EPB41L5: variants seen among roughly 807,000 people sequenced by gnomAD.
EPB41L5 encodes the protein band 4.1-like protein 5.
Under a neutral mutation model 106.6 loss-of-function variants are expected in EPB41L5, and 55 were observed. The observed-to-expected ratio is 0.52, with a 90% CI of 0.42 to 0.65. The LOEUF (loss-of-function observed/expected upper bound fraction) is 0.65. Ranked by LOEUF, EPB41L5 falls within the 30% of genes least tolerant of loss-of-function variation. The pLI is 0.00. For missense variants in EPB41L5, 871 were observed against 882.1 expected (o/e 0.99, Z 0.16); for synonymous variants, 297 against 306.7 (o/e 0.97, Z 0.33).
At position 120,039,258 on chromosome 2, in the gene EPB41L5, G is replaced by C. The variant is rs1425916292; in HGVS notation, c.181-2748G>C. On this transcript the variant is annotated intron_variant, in intron 2 of 24. Transcript: ENST00000263713. ...AGAGACAGAAAGTATTAATGGGAGA[G>C]AAGTTACTAGGGGTAATGGTGAGGG... Among the ~76,000 whole-genome samples, 4 of 152,056 alleles carry C rather than the reference G, an allele frequency of 2.6e-5. No homozygotes were observed. The East Asian group carries it at 7.7e-4, about 29-fold the overall frequency.
At chr2:120,016,242 C>T (rs1276543463) in intron 1 of EPB41L5, among the ~76,000 whole-genome samples, 2 of 152,106 alleles carry the variant, frequency 1.3e-5, no homozygotes, top group Non-Finnish European at 2.9e-5. Flanking sequence ...CCAGCCTGGC[C>T]AACATGGTGA....
chr2:120,106,410 A>T (rs185840223), intron 16 of EPB41L5: 1 of 985,248 alleles, frequency 1.0e-6, no homozygotes, highest in East Asian at 1.1e-4. Context: ...TTGTTTCCAG[A>T]GCTCTCAGGT....
At chr2:120,071,447 C>T (rs1681859804) in intron 3 of EPB41L5, among the ~76,000 whole-genome samples, 2 of 151,990 alleles carry the variant, frequency 1.3e-5, no homozygotes, top group African/African-American at 4.8e-5. Flanking sequence ...ATCAAGCTAC[C>T]TGAAAAAGAG....
chr2:120,096,661 G>A (rs927059326), intron 14 of EPB41L5, among the ~76,000 whole-genome samples: 17 of 152,028 alleles, frequency 1.1e-4, no homozygotes, highest in Non-Finnish European at 5.9e-5. Flanking sequence ...GTGGTGGTGC[G>A]CGCCTGTAAT....
chr2:120,130,587 T>C (rs1410266525), intron 17 of EPB41L5, among the ~76,000 whole-genome samples: 1 of 152,146 alleles, frequency 6.6e-6, no homozygotes, highest in African/African-American at 2.4e-5. Context: ...ATTAAGTAAA[T>C]GGACAGGAAA....
chr2:120,064,597 GTTCGATAGGATGCTAAGAAATGTGGC>G (rs1462180319), intron 3 of EPB41L5, among the ~76,000 whole-genome samples: 1 of 152,134 alleles, frequency 6.6e-6, no homozygotes, highest in East Asian at 1.9e-4. Flanking sequence ...TCCATGCCTA[GTTCGATAGGATGCTAAGAAATGTGGC>G]TTTCTACATC....
chr2:120,121,284 A>G (rs968088893), intron 16 of EPB41L5, among the ~76,000 whole-genome samples: 4 of 152,142 alleles, frequency 2.6e-5, no homozygotes, highest in Non-Finnish European at 5.9e-5. Flanking sequence ...TACTTGTGCC[A>G]TGTTGGTTTG....
intron 1 of EPB41L5, among the ~76,000 whole-genome samples, chr2:120,018,202 C>T (rs916483256): frequency 1.6e-4 from 24 of 151,924 alleles, no homozygotes; most frequent in African/African-American, 5.6e-4. Context: ...CTCCTGACCT[C>T]GTGATCCACC....
chr2:120,090,779 T>C lies in EPB41L5; in HGVS notation c.1043+263T>C, dbSNP rs1056832509. On this transcript the variant is annotated intron_variant, in intron 12 of 24. Coordinates refer to ENST00000263713, the MANE Select transcript of EPB41L5 (RefSeq NM_020909.4). ...TTTATATATTAACCCACTCCCAGTT[T>C]ATCTATTTAACAAGAGTTTTATGGA... 2.6e-5 allele frequency among the ~76,000 whole-genome samples: 4 copies of C among 152,194 alleles called. No homozygotes were observed. In the East Asian group the frequency reaches 7.7e-4, roughly 29 times the overall value.
intron 16 of EPB41L5, among the ~76,000 whole-genome samples, chr2:120,123,797 A>G (rs1157927214): frequency 6.6e-6 from 1 of 151,710 alleles, no homozygotes; most frequent in East Asian, 1.9e-4. Context: ...AGCTGGGACT[A>G]CAGGCGTGTG....
intron 18 of EPB41L5, among the ~76,000 whole-genome samples, chr2:120,136,485 C>T (rs1439595933): frequency 7.0e-6 from 1 of 142,312 alleles, no homozygotes; most frequent in African/African-American, 2.6e-5. Flanking sequence ...AAAAAAAAAG[C>T]CCCCAATGAT....
At chr2:120,108,904 G>A (rs1223069876) in intron 16 of EPB41L5, among the ~76,000 whole-genome samples, 1 of 152,180 alleles carries the variant, frequency 6.6e-6, no homozygotes, top group Non-Finnish European at 1.5e-5. Flanking sequence ...TCACAATCAT[G>A]TTGGAATAAT....
intron 18 of EPB41L5, among the ~76,000 whole-genome samples, chr2:120,140,575 T>C (rs1686129547): frequency 6.6e-6 from 1 of 152,068 alleles, no homozygotes; most frequent in African/African-American, 2.4e-5. Context: ...AAATTTAAAA[T>C]TCAAAATGAT....
intron 21 of EPB41L5, among the ~76,000 whole-genome samples, chr2:120,163,194 G>T (rs866176004): frequency 2.1e-4 from 32 of 151,320 alleles, no homozygotes; most frequent in African/African-American, 7.5e-4. Context: ...AATTCAGGCT[G>T]CAGTGAGCTA....
intron 22 of EPB41L5, among the ~76,000 whole-genome samples, chr2:120,165,884 C>G (rs927820847): frequency 7.1e-6 from 1 of 140,152 alleles, no homozygotes; most frequent in East Asian, 2.2e-4. Flanking sequence ...AAGACAATTG[C>G]TGGAACCTGG....
At chr2:120,162,857 G>C (rs1366762628) in intron 21 of EPB41L5, among the ~76,000 whole-genome samples, 6 of 152,126 alleles carry the variant, frequency 3.9e-5, no homozygotes, top group Non-Finnish European at 5.9e-5. Context: ...AGATGCGAGA[G>C]GAGAGAACAG....
In EPB41L5 at chr2:120,077,026, C is replaced by A; in HGVS notation, c.561C>A (p.Phe187Leu). The A allele has an allele frequency of 6.2e-7, 1 of 1,612,994 alleles. No individual in the cohort carries two copies. Among genetic ancestry groups the A allele is most frequent in the South Asian group, 1.1e-5 (1 of 90,952 alleles). Residue 187 changes from phenylalanine (F) to leucine (L), a missense_variant, in exon 8 of 25, where the codon TTC becomes TTA. Transcript: ENST00000263713. ...AEHSPELVSE[F>L]RFVPIQTEEM... ...ATAGTCCTGAACTTGTCTCAGAGTT[C>A]AGATTCGTGCCTATTCAGACTGAAG...
intron 23 of EPB41L5, 85 bp from the exon 24 acceptor site, chr2:120,167,792 C>T (rs927939916): frequency 1.3e-6 from 2 of 1,497,450 alleles, no homozygotes; most frequent in African/African-American, 2.8e-5. Context: ...ATCTCATAGT[C>T]ATTAGTGAAG....
intron 10 of EPB41L5, among the ~76,000 whole-genome samples, chr2:120,084,413 G>C (rs1464481490): frequency 6.6e-6 from 1 of 152,122 alleles, no homozygotes; most frequent in Non-Finnish European, 1.5e-5. Flanking sequence ...TGAAATTCTG[G>C]GTTGAAAATT....
Sources: gnomAD v4.1 joint callset for allele counts (sites outside exome capture counted in the v4.1 genomes callset) on GRCh38, gnomAD v4.1.1 for gene constraint, MANE v1.5 for transcripts, NCBI Gene and HGNC (gene_info 2026-07-23, HGNC 2026-07-21) for gene names.